Variants in MAPK6 observed in about 807,000 individuals in gnomAD.
MAPK6 encodes the protein ERK-3.
In MAPK6, 19 loss-of-function variants were observed where a neutral mutation model predicts 59.3. The ratio of observed to expected loss-of-function variants is 0.32; its 90% CI spans 0.22 to 0.47. The LOEUF (loss-of-function observed/expected upper bound fraction) is 0.47. Among genes scored for constraint, MAPK6 ranks in the 20% least tolerant of loss-of-function variants. The probability of loss-of-function intolerance (pLI) is 1.00; values close to 1 mark genes in which losing one functional copy is unlikely to be tolerated. For missense variants in MAPK6, 724 were observed against 847.9 expected (o/e 0.85, Z 1.81); for synonymous variants, 316 against 290.3 (o/e 1.09, Z -0.90).
intron 3 of MAPK6, among the ~76,000 whole-genome samples, chr15:52,009,647 A>C (rs1439576949): frequency 6.6e-6 from 1 of 152,230 alleles, no homozygotes; most frequent in Non-Finnish European, 1.5e-5. Flanking sequence ...ATTCCAATAG[A>C]TATTTCCCAG....
At chr15:52,020,589 G>A (rs1340830898) in intron 1 of MAPK6, among the ~76,000 whole-genome samples, 3 of 152,092 alleles carry the variant, frequency 2.0e-5, no homozygotes, top group Non-Finnish European at 4.4e-5. Flanking sequence ...AGTTCCAATT[G>A]CACATGTCCT....
At chr15:52,030,397 A>G (rs1439656089) in intron 1 of MAPK6, among the ~76,000 whole-genome samples, 1 of 152,124 alleles carries the variant, frequency 6.6e-6, no homozygotes, top group Admixed American at 6.6e-5. Context: ...GACTGTATAA[A>G]ATGTTTGATT....
intron 2 of MAPK6, among the ~76,000 whole-genome samples, chr15:52,047,885 A>G (rs937352257): frequency 1.3e-5 from 2 of 152,192 alleles, no homozygotes; most frequent in Non-Finnish European, 2.9e-5. Context: ...ACAATTGGTA[A>G]TAAGTATAGC....
chr15:52,034,883 A>G (rs937957609), intron 1 of MAPK6, among the ~76,000 whole-genome samples: 1 of 151,786 alleles, frequency 6.6e-6, no homozygotes, highest in Middle Eastern at 3.2e-3. Flanking sequence ...TTTTTAGTAG[A>G]AACGCGGTTT....
upstream of MAPK6, among the ~76,000 whole-genome samples, chr15:52,015,992 C>CT (rs982325865): frequency 3.0e-4 from 44 of 145,102 alleles, no homozygotes; most frequent in Admixed American, 6.1e-4. Context: ...GGAGGCAGAG[C>CT]TTGCAGTGAG....
intron 1 of MAPK6, among the ~76,000 whole-genome samples, chr15:51,978,900 C>T (rs374107009): frequency 6.6e-6 from 1 of 151,060 alleles, no homozygotes; most frequent in South Asian, 2.1e-4. Flanking sequence ...GTGGGCAGAT[C>T]GTTTGAGTCC....
In MAPK6 at chr15:52,043,175, C is replaced by T. The variant is rs182352075; in HGVS notation, c.-631-2655C>T. 3.1e-4 allele frequency among the ~76,000 whole-genome samples: 47 copies of T among 151,996 alleles called. 5 individuals carry two copies. The highest frequency in any genetic ancestry group is 1.9e-3 in the South Asian group (9 of 4,798). ...TTTTCCTAGGGTATTTAGTGGGGAG[C>T]GAGCAGGAAGAATCAAGATGTGTAC... is the stretch of plus-strand genomic sequence containing the variant. On this transcript the variant is annotated intron_variant, in intron 1 of 5. Transcript: ENST00000261845.
intron 1 of MAPK6, among the ~76,000 whole-genome samples, chr15:52,041,888 T>C (rs1025706125): frequency 6.6e-6 from 1 of 152,226 alleles, no homozygotes; most frequent in African/African-American, 2.4e-5. Context: ...TTTCTTCATT[T>C]CTTTGTTTAC....
intron 1 of MAPK6, among the ~76,000 whole-genome samples, 196 bp from the exon 2 acceptor site, chr15:52,045,634 C>T (rs1255750013): frequency 6.6e-6 from 1 of 152,058 alleles, no homozygotes; most frequent in East Asian, 1.9e-4. Context: ...GGAGCCCGGG[C>T]CAACGTGTGT....
At chr15:51,986,191 C>A (rs1243659983) in intron 2 of MAPK6, among the ~76,000 whole-genome samples, 1 of 152,090 alleles carries the variant, frequency 6.6e-6, no homozygotes, top group Non-Finnish European at 1.5e-5. Context: ...TTTAAACAAC[C>A]AGATTTCATG....
intron 3 of MAPK6, among the ~76,000 whole-genome samples, chr15:52,050,391 T>G (rs1044265226): frequency 9.9e-5 from 15 of 152,248 alleles, no homozygotes; most frequent in African/African-American, 3.6e-4. Flanking sequence ...TACTTGTTGG[T>G]AATTTGTGTT....
At chr15:52,029,883 T>C (rs917411714) in intron 1 of MAPK6, among the ~76,000 whole-genome samples, 4 of 152,240 alleles carry the variant, frequency 2.6e-5, no homozygotes, top group East Asian at 1.9e-4. Context: ...TCTTCAGACA[T>C]TCTTCTCCCA....
rs755969681 is a variant in MAPK6 at position 52,058,611 on chromosome 15, T to TAC, written c.701-22_701-21insAC. The TAC allele has an allele frequency of 1.3e-5, 20 of 1,568,794 alleles. No individual in the cohort carries two copies. In the East Asian group the frequency reaches 4.6e-4, roughly 36 times the overall value. On this transcript the variant is annotated intron_variant, in intron 3 of 5. Transcript: ENST00000261845. ...AAGTAAACATTGAGGAATGTGTTTT[T>TAC]TTGTTTGTTTTTTAACCTCAGGTGC...
chr15:52,038,501 G>GT (rs1411870692), intron 1 of MAPK6, among the ~76,000 whole-genome samples: 1 of 152,186 alleles, frequency 6.6e-6, no homozygotes, highest in Non-Finnish European at 1.5e-5. Flanking sequence ...GGTAGAGATG[G>GT]TGGGTACTTT....
intron 1 of MAPK6, among the ~76,000 whole-genome samples, chr15:52,037,295 T>C (rs1273023089): frequency 6.6e-6 from 1 of 152,158 alleles, no homozygotes; most frequent in Admixed American, 6.5e-5. Context: ...AGTCCAGAGA[T>C]GTTTTATATG....
At chr15:52,006,468 T>C (rs1014509827) in intron 3 of MAPK6, among the ~76,000 whole-genome samples, 1 of 152,184 alleles carries the variant, frequency 6.6e-6, no homozygotes, top group African/African-American at 2.4e-5. Flanking sequence ...TCAACTAACA[T>C]TTTTTTGAGA....
intron 1 of MAPK6, among the ~76,000 whole-genome samples, chr15:51,979,500 A>G (rs532574067): frequency 6.6e-6 from 1 of 151,924 alleles, no homozygotes; most frequent in South Asian, 2.1e-4. Context: ...TACCATTAAA[A>G]TTTAAATATA....
At chr15:52,001,033 G>C (rs1171979787) in intron 2 of MAPK6, among the ~76,000 whole-genome samples, 2 of 152,092 alleles carry the variant, frequency 1.3e-5, no homozygotes, top group Non-Finnish European at 2.9e-5. Flanking sequence ...CCAAAATTCA[G>C]GTGTTGCCAA....
intron 4 of MAPK6, among the ~76,000 whole-genome samples, chr15:52,060,131 C>T (rs971543067): frequency 4.6e-5 from 7 of 152,106 alleles, no homozygotes; most frequent in African/African-American, 1.7e-4. Flanking sequence ...CCTAGCTGTT[C>T]AGGAGGCTGA....
Sources: gnomAD v4.1 joint callset for allele counts (sites outside exome capture counted in the v4.1 genomes callset) on GRCh38, gnomAD v4.1.1 for gene constraint, MANE v1.5 for transcripts, NCBI Gene and HGNC (gene_info 2026-07-23, HGNC 2026-07-21) for gene names.